The following KRT72 variants were observed in gnomAD, a reference collection of about 807,000 sequenced individuals.
KRT72 encodes the protein keratin, type II cytoskeletal 72.
Under a neutral mutation model 44.7 loss-of-function variants are expected in KRT72, and 44 were observed. That is an observed-to-expected ratio of 0.98 (90% CI 0.77 to 1.27). KRT72 has a LOEUF of 1.27. KRT72 is among the 50% of genes most tolerant of loss of function. KRT72 has a pLI of 0.00. For missense variants in KRT72, 736 were observed against 667.1 expected (o/e 1.10, Z -1.14); for synonymous variants, 302 against 280.4 (o/e 1.08, Z -0.77).
intron 2 of KRT72, among the ~76,000 whole-genome samples, chr12:52,597,428 A>C (rs140296252): frequency 3.9e-5 from 6 of 152,292 alleles, no homozygotes; most frequent in Admixed American, 3.3e-4. Context: ...TGGCATGAGG[A>C]CCCACAGGTG....
At position 52,591,629 on chromosome 12, in the gene KRT72, C is replaced by T; in HGVS notation, c.799-1G>A. 6.2e-7 allele frequency: 1 copy of T among 1,604,770 alleles called. No homozygotes were observed. Among genetic ancestry groups the T allele is most frequent in the Non-Finnish European group, 8.5e-7 (1 of 1,172,590 alleles). On this transcript the variant is annotated splice_acceptor_variant, in intron 4 of 8. Coordinates refer to ENST00000293745, the MANE Select transcript of KRT72 (RefSeq NM_080747.3). LOFTEE classifies it high-confidence loss of function. Reference sequence around the variant, plus strand: ...TGTGGGACTGGATCTGAGTGATCTCCTGGGGACGGTTGGGGGAGGGGAGCT... The same window carrying T: ...TGTGGGACTGGATCTGAGTGATCTCTTGGGGACGGTTGGGGGAGGGGAGCT...
In KRT72 at chr12:52,587,000, A is replaced by C; in HGVS notation, c.1311-20T>G. 1 of 1,612,688 alleles carries C rather than the reference A, an allele frequency of 6.2e-7. No individual in the cohort carries two copies. Among genetic ancestry groups the C allele is most frequent in the Non-Finnish European group, 8.5e-7 (1 of 1,178,714 alleles). On this transcript the variant is annotated intron_variant, in intron 7 of 8. Coordinates refer to ENST00000293745, the MANE Select transcript of KRT72 (RefSeq NM_080747.3). ...GACATCCTGAAGAAGGAGAAGAAAA[A>C]CAGGTAAATCCCCCATAAATAATCA... is the stretch of plus-strand genomic sequence containing the variant.
At chr12:52,592,334 A>AG in intron 4 of KRT72, 62 bp downstream of exon 4, 1 of 1,192,332 alleles carries the variant, frequency 8.4e-7, no homozygotes, top group Non-Finnish European at 1.2e-6. Flanking sequence ...CCTTCCAGCC[A>AG]GGGGCCAGAA....
chr12:52,599,113 C>G lies in KRT72; in HGVS notation c.427-1G>C. On this transcript the variant is annotated splice_acceptor_variant, in intron 1 of 8. Transcript: ENST00000293745. LOFTEE classifies it high-confidence loss of function. ...GATTCTGCTGCTCCAGGAACCGCAC[C>G]TGGAACCCAAAGGCAGTCATCGCCC... is the stretch of plus-strand genomic sequence containing the variant. 3 of 1,614,012 alleles carry G rather than the reference C, an allele frequency of 1.9e-6. No individual in the cohort carries two copies. The highest frequency in any genetic ancestry group is 2.5e-6 in the Non-Finnish European group (3 of 1,179,938).
intron 5 of KRT72, among the ~76,000 whole-genome samples, chr12:52,591,222 G>T (rs977672137): frequency 6.6e-6 from 1 of 152,156 alleles, no homozygotes; most frequent in Non-Finnish European, 1.5e-5. Context: ...CTCAGCCAAG[G>T]GCCGTGATAG....
rs185606180 is a variant in KRT72, at chr12:52,599,029, C to T, written c.510G>A (p.Lys170=). ...LQQLDLNNCR[K]NLEPIYEGYI... ...AGCCCTCATAAATGGGCTCCAGGTT[C>T]TTCCTGCAGTTGTTCAAGTCCAGCT... The change falls in exon 2 of 9, where the codon AAG becomes AAA. Residue 170 remains lysine, a synonymous_variant. Coordinates refer to ENST00000293745, the MANE Select transcript of KRT72 (RefSeq NM_080747.3). The T allele has an allele frequency of 1.9e-6, 3 of 1,614,028 alleles. No homozygotes were observed. The South Asian group carries it at 3.3e-5, about 18-fold the overall frequency.
Position 52,585,975 on chromosome 12 carries a change from T to C in KRT72, c.*7A>G. On this transcript the variant is annotated 3_prime_UTR_variant, in exon 9 of 9. Coordinates refer to ENST00000293745, the MANE Select transcript of KRT72 (RefSeq NM_080747.3). ...GCCTTCTGCTCACAGAGCCAACCAC[T>C]TGTCCATCATCTGGAGGCCTTTTTG... The C allele has an allele frequency of 6.2e-7, 1 of 1,610,748 alleles. No individual in the cohort carries two copies.
upstream of KRT72, among the ~76,000 whole-genome samples, chr12:52,602,641 G>A (rs1225364865): frequency 6.6e-6 from 1 of 152,196 alleles, no homozygotes; most frequent in Non-Finnish European, 1.5e-5. Flanking sequence ...GGGCCCCCTG[G>A]ATTCACCCTT....
At chr12:52,596,194 A>G (rs753601586) in intron 2 of KRT72, among the ~76,000 whole-genome samples, 3 of 152,186 alleles carry the variant, frequency 2.0e-5, no homozygotes, top group Non-Finnish European at 4.4e-5. Context: ...AAAGCAGAAA[A>G]ACTGGAAAGG....
chr12:52,585,867 G>C lies in KRT72; in HGVS notation c.*115C>G. The C allele has an allele frequency of 1.1e-6, 1 of 932,414 alleles. No individual in the cohort carries two copies. Among genetic ancestry groups the C allele is most frequent in the Non-Finnish European group, 1.7e-6 (1 of 598,592 alleles). 57.8% of individuals were successfully genotyped at this position (932,414 alleles called of 1,614,324 possible). ...GACAACAGGGAGAGGAAATGGGGTT[G>C]GGACTGTAGTGACAGACAAAGCATT... On this transcript the variant is annotated 3_prime_UTR_variant, in exon 9 of 9. Transcript: ENST00000293745.
chr12:52,594,103 A>G (rs2120774031), intron 2 of KRT72, among the ~76,000 whole-genome samples: 1 of 152,352 alleles, frequency 6.6e-6, no homozygotes, highest in South Asian at 2.1e-4. Context: ...TAGCTTTTTT[A>G]TTCATGTACT....
chr12:52,602,582 AG>A (rs573474959), upstream of KRT72, among the ~76,000 whole-genome samples: 49 of 152,258 alleles, frequency 3.2e-4, 1 homozygote, highest in Non-Finnish European at 6.0e-4. Flanking sequence ...TTATTTCTTA[AG>A]CTGCCAGAGT....
rs1308984147 is a variant in KRT72 at position 52,601,184 on chromosome 12, G to C, written c.269C>G (p.Ser90Cys). Residue 90 changes from serine (S) to cysteine (C), a missense_variant, in exon 1 of 9, where the codon TCC becomes TGC. Ser to Cys is a moderately radical substitution (Grantham distance 112, BLOSUM62 -1). Transcript: ENST00000293745. ...GSAGLGPKCP[S>C]VCPPGGIPQV... ...AGGGATGCCCCCGGGTGGGCACACG[G>C]AGGGACACTTGGGCCCCAGCCCGGC... is the stretch of plus-strand genomic sequence containing the variant. The C allele has an allele frequency of 1.2e-6, 2 of 1,612,968 alleles. No homozygotes were observed. The highest frequency in any genetic ancestry group is 3.3e-5 in the Admixed American group (2 of 59,948).
At chr12:52,589,527 G>T (rs1165707756) in intron 6 of KRT72, among the ~76,000 whole-genome samples, 1 of 152,224 alleles carries the variant, frequency 6.6e-6, no homozygotes, top group Non-Finnish European at 1.5e-5. Context: ...GACACCAAAA[G>T]CTTGGGTCTT....
chr12:52,585,821 A>G lies in KRT72; in HGVS notation c.*161T>C, dbSNP rs1939715478. On this transcript the variant is annotated 3_prime_UTR_variant, in exon 9 of 9. Coordinates refer to ENST00000293745, the MANE Select transcript of KRT72 (RefSeq NM_080747.3). Reference sequence around the variant, plus strand: ...GAGAGCTCCTGACTGGACTCCTTGCATCGAAGCATCACACCTTGAGGACAA... The same window carrying G: ...GAGAGCTCCTGACTGGACTCCTTGCGTCGAAGCATCACACCTTGAGGACAA... The G allele has an allele frequency of 1.5e-6, 1 of 684,414 alleles. No homozygotes were observed. Among genetic ancestry groups the G allele is most frequent in the South Asian group, 1.9e-5 (1 of 52,706 alleles). The allele number at this position is 684,414 out of a possible 1,614,324, so 42.4% of individuals were successfully genotyped here. A position where few individuals can be genotyped will look rare whatever the true frequency, so the allele number is the denominator to read the frequency against.
chr12:52,601,771 A>G (rs867780981), upstream of KRT72, among the ~76,000 whole-genome samples: 2 of 152,104 alleles, frequency 1.3e-5, no homozygotes, highest in East Asian at 1.9e-4. Context: ...CTGGCCTCCA[A>G]TTACTGGGGT....
At chr12:52,599,293 A>G in intron 1 of KRT72, 181 bp from the exon 2 acceptor site, 1 of 681,032 alleles carries the variant, frequency 1.5e-6, no homozygotes, top group South Asian at 1.5e-5. Context: ...GACAAGAAAT[A>G]GGACCCGGTC....
chr12:52,592,763 G>A, intron 3 of KRT72, 129 bp downstream of exon 3: 1 of 773,610 alleles, frequency 1.3e-6, no homozygotes, highest in Non-Finnish European at 2.2e-6. Flanking sequence ...GGGCTGGGAA[G>A]TTAGAGTGCC....
intron 2 of KRT72, among the ~76,000 whole-genome samples, chr12:52,595,432 C>T (rs1166326689): frequency 6.6e-6 from 1 of 152,000 alleles, no homozygotes; most frequent in Non-Finnish European, 1.5e-5. Context: ...TTAGTTTATT[C>T]TGAGTGGATT....
Sources: allele counts gnomAD v4.1 joint callset (sites outside exome capture counted in the v4.1 genomes callset), GRCh38; gene constraint gnomAD v4.1.1; transcripts MANE v1.5; gene names NCBI Gene and HGNC (gene_info 2026-07-23, HGNC 2026-07-21).